GSE1: variants seen among roughly 807,000 people sequenced by gnomAD.
GSE1 encodes genetic suppressor element 1.
GSE1 carries 32 observed loss-of-function variants against 112.6 expected under a neutral mutation model. That is an observed-to-expected ratio of 0.28 (90% CI 0.21 to 0.38). The LOEUF is 0.38. Ranked by LOEUF, GSE1 falls within the 10% of genes least tolerant of loss-of-function variation. The probability of loss-of-function intolerance (pLI) is 1.00; values close to 1 mark genes in which losing one functional copy is unlikely to be tolerated. For synonymous variants in GSE1, 1,115 were observed against 735.6 expected, an observed-to-expected ratio of 1.52 and a Z score of -8.35; for missense variants, 2,348 against 1,699.2, an observed-to-expected ratio of 1.38 and a Z score of -6.71.
chr16:85,435,310 C>T (rs968343297), intron 2 of GSE1, among the ~76,000 whole-genome samples: 5 of 152,036 alleles, frequency 3.3e-5, no homozygotes, highest in African/African-American at 4.8e-5. Context: ...CTCCCACCAC[C>T]CCCTCCCCCA....
intron 1 of GSE1, among the ~76,000 whole-genome samples, chr16:85,349,433 C>T (rs1247557399): frequency 2.6e-5 from 4 of 152,128 alleles, no homozygotes; most frequent in Non-Finnish European, 5.9e-5. Context: ...GTCAGGACAG[C>T]GGGAGAAGAG....
At chr16:85,203,091 G>A (rs562360424) in intron 1 of GSE1, among the ~76,000 whole-genome samples, 190 of 152,116 alleles carry the variant, frequency 1.2e-3, no homozygotes, top group African/African-American at 4.2e-3. Context: ...GATTTCTCCT[G>A]AGATGCTCAC....
At chr16:85,185,695 GT>G (rs1161061616) in intron 1 of GSE1, among the ~76,000 whole-genome samples, 1 of 152,216 alleles carries the variant, frequency 6.6e-6, no homozygotes, top group African/African-American at 2.4e-5. Context: ...GGCTCCCCTG[GT>G]CTGTGTGGGC....
At chr16:85,216,591 C>G (rs1597821071) in intron 1 of GSE1, among the ~76,000 whole-genome samples, 1 of 152,146 alleles carries the variant, frequency 6.6e-6, no homozygotes, top group East Asian at 1.9e-4. Flanking sequence ...CACTTCATAC[C>G]CAGGAGGTTG....
chr16:85,476,858 T>C (rs2050472863), intron 2 of GSE1, among the ~76,000 whole-genome samples: 1 of 149,976 alleles, frequency 6.7e-6, no homozygotes, highest in South Asian at 2.1e-4. Context: ...AGTGATCCTC[T>C]CACCTTGGCC....
intron 3 of GSE1, among the ~76,000 whole-genome samples, chr16:85,649,598 C>CTT (rs2051165049): frequency 6.6e-6 from 1 of 152,072 alleles, no homozygotes; most frequent in African/African-American, 2.4e-5. Flanking sequence ...CTGCCTGGGG[C>CTT]CTGTGCGCCC....
intron 1 of GSE1, among the ~76,000 whole-genome samples, chr16:85,628,866 C>A (rs1488360776): frequency 6.6e-6 from 1 of 152,214 alleles, no homozygotes; most frequent in Non-Finnish European, 1.5e-5. Flanking sequence ...GCCATGGCCT[C>A]TGTGTACCAC....
intron 2 of GSE1, among the ~76,000 whole-genome samples, chr16:85,639,460 C>G (rs1001879889): frequency 5.8e-4 from 89 of 152,170 alleles, no homozygotes; most frequent in African/African-American, 2.1e-3. Flanking sequence ...ACCCCCTGCG[C>G]TGGACAGATT....
rs552513750 is a variant in GSE1, at chr16:85,374,230, T to C, written c.2464+16587T>C. On this transcript the variant is annotated intron_variant, in intron 2 of 2. Transcript: ENST00000637419. ...GCCCTCGGTGTGCAGTGTGTGTCAT[T>C]GTGCCTGTGCATGGTCGTGCGTGGT... 2.0e-3 allele frequency among the ~76,000 whole-genome samples: 306 copies of C among 151,378 alleles called. 2 individuals carry two copies. The highest frequency in any genetic ancestry group is 7.1e-3 in the African/African-American group (292 of 41,162).
At chr16:85,213,689 A>G (rs779730338) in intron 1 of GSE1, among the ~76,000 whole-genome samples, 1 of 152,240 alleles carries the variant, frequency 6.6e-6, no homozygotes, top group East Asian at 1.9e-4. Context: ...CCCAGAGTCT[A>G]GAGCCTGGAC....
intron 1 of GSE1, among the ~76,000 whole-genome samples, chr16:85,307,598 G>C (rs2045714873): frequency 2.0e-5 from 1 of 48,786 alleles, no homozygotes; most frequent in Non-Finnish European, 3.6e-5. Context: ...CATGACAACA[G>C]CGTGTGATGG....
At chr16:85,643,120 AG>A (rs1341412211) in intron 2 of GSE1, among the ~76,000 whole-genome samples, 2 of 152,128 alleles carry the variant, frequency 1.3e-5, no homozygotes, top group Non-Finnish European at 2.9e-5. Flanking sequence ...TTGGGGTGTC[AG>A]CTGTTAATTA....
chr16:85,496,272 C>T (rs1351471945), intron 2 of GSE1, among the ~76,000 whole-genome samples: 1 of 152,216 alleles, frequency 6.6e-6, no homozygotes, highest in Non-Finnish European at 1.5e-5. Flanking sequence ...CAGGGATGAG[C>T]GATGGGCCGC....
chr16:85,657,379 A>G lies in GSE1; in HGVS notation c.1415A>G (p.His472Arg). The change falls in exon 8 of 16, where the codon CAT becomes CGT. Residue 472 changes from histidine (H) to arginine (R), a missense_variant. Coordinates refer to ENST00000253458, the MANE Select transcript of GSE1 (RefSeq NM_014615.5). ...ACGGTGCCCAGCCTCATCTCCAACC[A>G]TGGCATCTTCTCTCTGCCTAGCAGC... ...HHTVPSLISN[H>R]GIFSLPSSSA... 1 of 1,612,340 alleles carries G rather than the reference A, an allele frequency of 6.2e-7. No homozygotes were observed. Among genetic ancestry groups the G allele is most frequent in the Non-Finnish European group, 8.5e-7 (1 of 1,179,728 alleles).
intron 1 of GSE1, among the ~76,000 whole-genome samples, chr16:85,277,029 ATCGGATGGCATCT>A (rs1219294830): frequency 1.3e-5 from 2 of 152,058 alleles, no homozygotes; most frequent in Non-Finnish European, 2.9e-5. Flanking sequence ...GGATGAGAGG[ATCGGATGGCATCT>A]TCAAAGTCCC....
chr16:85,530,566 T>C (rs1167281622), intron 2 of GSE1, among the ~76,000 whole-genome samples: 3 of 152,202 alleles, frequency 2.0e-5, no homozygotes, highest in Non-Finnish European at 4.4e-5. Context: ...GAAATCCCGC[T>C]GGAGCCCAGC....
rs776986993 is a variant in GSE1, at chr16:85,613,366, C to T, written c.-26C>T. On this transcript the variant is annotated 5_prime_UTR_variant, in exon 1 of 16. Coordinates refer to ENST00000253458, the MANE Select transcript of GSE1 (RefSeq NM_014615.5). ...CGACGGTGGCTCCAGCATGTATCAGCCGAGGTGGAGCTGCGGGGCCCTGGC... is the reference window on the plus strand; with the variant it reads ...CGACGGTGGCTCCAGCATGTATCAGTCGAGGTGGAGCTGCGGGGCCCTGGC... 8 of 1,569,818 alleles carry T rather than the reference C, an allele frequency of 5.1e-6. No individual in the cohort carries two copies. The highest frequency in any genetic ancestry group is 6.0e-6 in the Non-Finnish European group (7 of 1,158,550).
chr16:85,627,168 CG>C (rs2049152487), intron 1 of GSE1, among the ~76,000 whole-genome samples: 1 of 95,312 alleles, frequency 1.0e-5, no homozygotes, highest in Non-Finnish European at 1.9e-5. Flanking sequence ...TTACGGGGGG[CG>C]GGGGGTGGGG....
intron 2 of GSE1, among the ~76,000 whole-genome samples, chr16:85,644,924 C>A (rs1335406230): frequency 2.6e-5 from 4 of 151,886 alleles, no homozygotes; most frequent in Non-Finnish European, 1.5e-5. Context: ...TTAAAGTGAA[C>A]TTTTTCTCAA....
Sources: gnomAD v4.1 joint callset for allele counts (sites outside exome capture counted in the v4.1 genomes callset) on GRCh38, gnomAD v4.1.1 for gene constraint, MANE v1.5 for transcripts, NCBI Gene and HGNC (gene_info 2026-07-23, HGNC 2026-07-21) for gene names.